CACNA1E: variants seen among roughly 807,000 people sequenced by gnomAD.
CACNA1E encodes the protein voltage-dependent R-type calcium channel subunit alpha-1E.
In CACNA1E, 40 loss-of-function variants were observed where a neutral mutation model predicts 259.2. The observed-to-expected ratio is 0.15, with a 90% CI of 0.12 to 0.20. The LOEUF (loss-of-function observed/expected upper bound fraction) is 0.20. Ranked by LOEUF, CACNA1E falls within the 10% of genes least tolerant of loss-of-function variation. The probability of loss-of-function intolerance (pLI) is 1.00; values close to 1 mark genes in which losing one functional copy is unlikely to be tolerated. For missense variants in CACNA1E, 1,874 were observed against 3,040.1 expected (o/e 0.62, Z 9.02); for synonymous variants, 1,104 against 1,138.5 (o/e 0.97, Z 0.61).
At chr1:181,374,408 C>A (rs1468607788) in intron 1 of CACNA1E, among the ~76,000 whole-genome samples, 2 of 149,480 alleles carry the variant, frequency 1.3e-5, no homozygotes, top group Non-Finnish European at 3.0e-5. Flanking sequence ...GGAGGAAATT[C>A]AACTTTGAAT....
rs1448031466 is a variant in CACNA1E, at chr1:181,800,432, G to A, written c.*1598G>A. The A allele has an allele frequency of 6.5e-6, 1 of 152,674 alleles. No homozygotes were observed. The highest frequency in any genetic ancestry group is 6.5e-5 in the Admixed American group (1 of 15,290). The allele number at this position is 152,674 out of a possible 1,614,324, so 9.5% of individuals were successfully genotyped here. On this transcript the variant is annotated 3_prime_UTR_variant, in exon 48 of 48. Coordinates refer to ENST00000367573, the MANE Select transcript of CACNA1E (RefSeq NM_001205293.3). Reference sequence around the variant, plus strand: ...GAGAGCCCTTTCTTGCCAAGCCAGTGCTCTTTTGGTATATGGCATACAGCT... The same window carrying A: ...GAGAGCCCTTTCTTGCCAAGCCAGTACTCTTTTGGTATATGGCATACAGCT...
At chr1:181,759,159 G>A (rs970329124) in intron 32 of CACNA1E, among the ~76,000 whole-genome samples, 3 of 152,190 alleles carry the variant, frequency 2.0e-5, no homozygotes, top group African/African-American at 7.2e-5. Context: ...GTAGATGAAG[G>A]AGGAAGCCAA....
chr1:181,587,812 G>C (rs1652229137), intron 6 of CACNA1E, among the ~76,000 whole-genome samples: 4 of 152,222 alleles, frequency 2.6e-5, no homozygotes, highest in Non-Finnish European at 5.9e-5. Context: ...GAACCCGGGA[G>C]GTGGAGCTTG....
intron 1 of CACNA1E, among the ~76,000 whole-genome samples, chr1:181,326,092 C>A (rs1346521825): frequency 6.6e-6 from 1 of 152,238 alleles, no homozygotes; most frequent in African/African-American, 2.4e-5. Flanking sequence ...CAGCTCCTTC[C>A]CCAGCGCCTC....
intron 3 of CACNA1E, among the ~76,000 whole-genome samples, chr1:181,569,852 G>A (rs1359863289): frequency 1.3e-5 from 2 of 152,230 alleles, no homozygotes; most frequent in Non-Finnish European, 2.9e-5. Context: ...CCATCAGGGA[G>A]CTGGTTTTGA....
At chr1:181,730,352 C>G (rs904396245) in intron 18 of CACNA1E, among the ~76,000 whole-genome samples, 2 of 152,238 alleles carry the variant, frequency 1.3e-5, no homozygotes, top group African/African-American at 4.8e-5. Context: ...GTGTTGTCCT[C>G]TAGCTGAGCA....
chr1:181,496,035 T>C (rs994858400), intron 1 of CACNA1E, among the ~76,000 whole-genome samples: 1 of 152,240 alleles, frequency 6.6e-6, no homozygotes, highest in African/African-American at 2.4e-5. Flanking sequence ...GCTGGAGGCC[T>C]GGATCAGAAC....
At chr1:181,523,035 G>A (rs1219949833) in intron 3 of CACNA1E, among the ~76,000 whole-genome samples, 6 of 152,152 alleles carry the variant, frequency 3.9e-5, no homozygotes, top group African/African-American at 1.4e-4. Flanking sequence ...TGCCACAGAG[G>A]GTAGTACGTG....
intron 3 of CACNA1E, among the ~76,000 whole-genome samples, chr1:181,519,860 C>A (rs867086266): frequency 3.3e-5 from 5 of 152,164 alleles, no homozygotes; most frequent in Admixed American, 3.3e-4. Flanking sequence ...ATCTCATGGA[C>A]TGAATGACCT....
intron 1 of CACNA1E, among the ~76,000 whole-genome samples, chr1:181,354,995 G>A (rs1170319170): frequency 6.6e-6 from 1 of 152,364 alleles, no homozygotes; most frequent in African/African-American, 2.4e-5. Flanking sequence ...CACAGGCAGA[G>A]CCTGCTGGTG....
In CACNA1E at chr1:181,717,242, A is replaced by C; in HGVS notation, c.1465A>C (p.Asn489His). The C allele has an allele frequency of 6.2e-7, 1 of 1,614,008 alleles. No individual in the cohort carries two copies. ...GATTGTGCTGAGCCTTGTGGCACTC[A>C]ACACTGCCTGTGTGGCCATTGTCCA... ...YWIVLSLVAL[N>H]TACVAIVHHN... The change falls in exon 11 of 48, where the codon AAC becomes CAC. Residue 489 changes from asparagine (N) to histidine (H), a missense_variant. Physicochemically the swap from Asn to His is moderately conservative, Grantham distance 68. Around this residue, in one of 14 missense-constraint regions of CACNA1E, gnomAD observed 157 missense variants for 203.5 expected, o/e 0.77. Transcript: ENST00000367573.
At chr1:181,730,494 G>T (rs984030423) in intron 18 of CACNA1E, among the ~76,000 whole-genome samples, 4 of 152,232 alleles carry the variant, frequency 2.6e-5, no homozygotes, top group African/African-American at 4.8e-5. Flanking sequence ...CTCTGTACAA[G>T]GCTAAGAAGG....
chr1:181,419,070 C>T (rs1211553857), intron 2 of CACNA1E, among the ~76,000 whole-genome samples: 1 of 152,112 alleles, frequency 6.6e-6, no homozygotes, highest in Admixed American at 6.6e-5. Flanking sequence ...TCTGTTTCCC[C>T]AACTGCAGCT....
chr1:181,486,503 C>T (rs1277575928), intron 1 of CACNA1E, among the ~76,000 whole-genome samples: 1 of 152,234 alleles, frequency 6.6e-6, no homozygotes, highest in Non-Finnish European at 1.5e-5. Context: ...AAACAAATAA[C>T]TTCCCAAGTA....
rs145703149 is a variant in CACNA1E, at chr1:181,324,253, T to C, written c.-15+6130T>C. On this transcript the variant is annotated intron_variant, in intron 1 of 11. Coordinates refer to the CACNA1E transcript ENST00000524607. The stretch of plus-strand genomic sequence containing the variant: ...GAAACCATACATAGATAAGTAGATT[T>C]AGAAAAAAAATCAGACCGTAATGAA... Among the ~76,000 whole-genome samples the C allele has an allele frequency of 4.0e-3, 614 of 152,258 alleles. 2 individuals carry two copies. The highest frequency in any genetic ancestry group is 8.4e-3 in the Admixed American group (128 of 15,294).
In CACNA1E at chr1:181,465,989, G is replaced by A. The variant is rs148254509; in HGVS notation, c.435-17755G>A. ...CTTGGCCTAAGTGTTCCTGAATCCCGCTGAACATGTAAATTCAGCCCATAA... is the reference window on the plus strand; with the variant it reads ...CTTGGCCTAAGTGTTCCTGAATCCCACTGAACATGTAAATTCAGCCCATAA... On this transcript the variant is annotated intron_variant, in intron 2 of 11. Transcript: ENST00000524607. 1.6e-3 allele frequency among the ~76,000 whole-genome samples: 167 copies of A among 103,108 alleles called. 1 individual carries two copies. The highest frequency in any genetic ancestry group is 8.5e-3 in the African/African-American group (163 of 19,090). The allele number at this position is 103,108 out of a possible 152,430, so 67.6% of individuals were successfully genotyped here. A position where few individuals can be genotyped will look rare whatever the true frequency, so the allele number is the denominator to read the frequency against.
intron 7 of CACNA1E, among the ~76,000 whole-genome samples, chr1:181,657,561 A>G (rs1448221897): frequency 6.6e-6 from 1 of 152,214 alleles, no homozygotes; most frequent in Non-Finnish European, 1.5e-5. Flanking sequence ...TACATGTGTT[A>G]CTTTGAAAAA....
chr1:181,337,702 A>C (rs1651819908), intron 1 of CACNA1E, among the ~76,000 whole-genome samples: 1 of 152,194 alleles, frequency 6.6e-6, no homozygotes, highest in Admixed American at 6.5e-5. Context: ...TCATTTTTTA[A>C]GGCTGAGTAG....
chr1:181,445,651 C>G (rs544376035), intron 2 of CACNA1E, among the ~76,000 whole-genome samples: 1 of 152,334 alleles, frequency 6.6e-6, no homozygotes, highest in Non-Finnish European at 1.5e-5. Context: ...ACACAAGGGC[C>G]TTGCCCTCAA....
Sources: allele counts gnomAD v4.1 joint callset (sites outside exome capture counted in the v4.1 genomes callset), GRCh38; gene constraint gnomAD v4.1.1; regional missense constraint gnomAD v4.1.1; transcripts MANE v1.5; gene names NCBI Gene and HGNC (gene_info 2026-07-23, HGNC 2026-07-21).